The following COLQ variants were observed in gnomAD, a reference collection of about 807,000 sequenced individuals.
COLQ encodes collagen like tail subunit of asymmetric acetylcholinesterase.
A neutral mutation model predicts 69.0 loss-of-function variants in COLQ; 48 were observed. That is an observed-to-expected ratio of 0.70 (90% confidence interval 0.55 to 0.88). COLQ has a LOEUF of 0.88. Among genes scored for constraint, COLQ ranks in the 40% least tolerant of loss-of-function variants. The pLI is 0.00. For synonymous variants in COLQ, 217 were observed against 211.2 expected (o/e 1.03, Z -0.24); for missense variants, 618 against 594.6 (o/e 1.04, Z -0.41).
At chr3:15,521,257 T>C (rs556852225) in intron 1 of COLQ, among the ~76,000 whole-genome samples, 1 of 152,182 alleles carries the variant, frequency 6.6e-6, no homozygotes, top group East Asian at 1.9e-4. Context: ...ATGCAGCAAA[T>C]GGGGAGAATA....
intron 1 of COLQ, among the ~76,000 whole-genome samples, chr3:15,510,593 A>G (rs2062971871): frequency 6.6e-6 from 1 of 151,756 alleles, no homozygotes; most frequent in Admixed American, 6.6e-5. Context: ...CTGTAATCCC[A>G]GCTACTGGAA....
intron 13 of COLQ, among the ~76,000 whole-genome samples, chr3:15,457,626 T>C (rs1022376895): frequency 3.9e-5 from 6 of 152,076 alleles, no homozygotes; most frequent in Admixed American, 3.3e-4. Context: ...AGTATAACTT[T>C]TTTTGAGACG....
chr3:15,460,063 T>C (rs982318186), intron 12 of COLQ, among the ~76,000 whole-genome samples: 7 of 152,198 alleles, frequency 4.6e-5, no homozygotes, highest in Non-Finnish European at 7.3e-5. Flanking sequence ...TCAGACTCTG[T>C]CATGTATACC....
intron 1 of COLQ, among the ~76,000 whole-genome samples, chr3:15,511,907 G>A (rs1312225787): frequency 2.0e-5 from 3 of 152,134 alleles, no homozygotes; most frequent in African/African-American, 4.8e-5. Context: ...CCCCTCATAC[G>A]GGGGACAAGT....
intron 3 of COLQ, among the ~76,000 whole-genome samples, chr3:15,482,185 C>A (rs2062498321): frequency 1.3e-5 from 2 of 152,148 alleles, no homozygotes; most frequent in Non-Finnish European, 2.9e-5. Context: ...TTCCTCTTTT[C>A]CTAATTGAAT....
intron 1 of COLQ, among the ~76,000 whole-genome samples, chr3:15,513,680 G>T (rs1425588981): frequency 6.6e-6 from 1 of 152,092 alleles, no homozygotes; most frequent in Non-Finnish European, 1.5e-5. Flanking sequence ...CTTGTCTCAG[G>T]CTCCGCTTCT....
chr3:15,451,751 T>C (rs1362170032), intron 16 of COLQ, 38 bp from the exon 17 acceptor site: 2 of 1,566,494 alleles, frequency 1.3e-6, no homozygotes, highest in Non-Finnish European at 1.8e-6. Context: ...AGGCCACCTC[T>C]TATATGCTGG....
chr3:15,456,158 T>C, intron 14 of COLQ, 139 bp from the exon 15 acceptor site: 2 of 1,077,270 alleles, frequency 1.9e-6, no homozygotes, highest in South Asian at 2.7e-5. Context: ...AAGGTACTCC[T>C]TTCCTGTTGC....
chr3:15,463,613 TG>T (rs1450420630), intron 12 of COLQ, among the ~76,000 whole-genome samples: 1 of 152,064 alleles, frequency 6.6e-6, no homozygotes, highest in Non-Finnish European at 1.5e-5. Flanking sequence ...TCCAAAGTGC[TG>T]GGATTACAGG....
chr3:15,520,666 A>G (rs1283343317), intron 1 of COLQ, among the ~76,000 whole-genome samples: 1 of 152,218 alleles, frequency 6.6e-6, no homozygotes, highest in Non-Finnish European at 1.5e-5. Flanking sequence ...CTCCGGAAAC[A>G]TTTGAGTTTC....
intron 3 of COLQ, among the ~76,000 whole-genome samples, chr3:15,479,810 G>A (rs530503783): frequency 6.6e-6 from 1 of 152,326 alleles, no homozygotes; most frequent in African/African-American, 2.4e-5. Flanking sequence ...GACAAGTTAA[G>A]TTTTGCACAT....
chr3:15,460,690 A>G (rs1042555953), intron 12 of COLQ, among the ~76,000 whole-genome samples: 1 of 152,240 alleles, frequency 6.6e-6, no homozygotes. Flanking sequence ...CCAATATCTT[A>G]TCCTAAGTTA....
At position 15,498,640 on chromosome 3, in the gene COLQ, C is replaced by G. The variant is rs1375027009; in HGVS notation, c.107-9003G>C. On this transcript the variant is annotated intron_variant, in intron 1 of 16. Coordinates refer to ENST00000383788, the MANE Select transcript of COLQ (RefSeq NM_005677.4). ...CCAGGGAACACTAGCCGGAGACAGG[C>G]TGAGATTCGTCACGCCTCTGAGTGC... is the stretch of plus-strand genomic sequence containing the variant. 3 of 1,551,340 alleles carry G rather than the reference C, an allele frequency of 1.9e-6. No homozygotes were observed. The East Asian group carries it at 7.3e-5, about 38-fold the overall frequency.
At position 15,518,211 on chromosome 3, in the gene COLQ, G is replaced by T. The variant is rs149205302; in HGVS notation, c.106+3309C>A. 9.3e-3 allele frequency among the ~76,000 whole-genome samples: 1,414 copies of T among 152,284 alleles called. 15 individuals carry two copies. The highest frequency in any genetic ancestry group is 0.015 in the Non-Finnish European group (1,003 of 68,020). The stretch of plus-strand genomic sequence containing the variant: ...TCCACCCACCTCAGCCTCCCAAAGT[G>T]CTGGGATTACAGGCGTGAGCCACCG... On this transcript the variant is annotated intron_variant, in intron 1 of 16. Coordinates refer to ENST00000383788, the MANE Select transcript of COLQ (RefSeq NM_005677.4).
chr3:15,455,857 G>A, intron 15 of COLQ, 42 bp downstream of exon 15: 1 of 1,613,102 alleles, frequency 6.2e-7, no homozygotes, highest in South Asian at 1.1e-5. Context: ...CCACCCCCCT[G>A]CTGTTCAGGC....
intron 3 of COLQ, among the ~76,000 whole-genome samples, chr3:15,487,681 C>T (rs2062596364): frequency 6.6e-6 from 1 of 152,170 alleles, no homozygotes; most frequent in African/African-American, 2.4e-5. Flanking sequence ...CTGGAGGGTA[C>T]TCTTGTTTGT....
At chr3:15,465,634 G>A (rs1488364406) in intron 12 of COLQ, among the ~76,000 whole-genome samples, 6 of 56,434 alleles carry the variant, frequency 1.1e-4, no homozygotes, top group African/African-American at 6.6e-4. Context: ...TTTTTTTTTG[G>A]AGACAGAGTT....
chr3:15,478,706 C>T (rs1347144370), intron 5 of COLQ: 6 of 574,884 alleles, frequency 1.0e-5, no homozygotes, highest in South Asian at 2.0e-5. Context: ...GGGGTTGGGG[C>T]GGGAAGTGAG....
Position 15,454,180 on chromosome 3 carries a change from G to C in COLQ, c.1196-249C>G, listed in dbSNP as rs577460688. On this transcript the variant is annotated intron_variant, in intron 15 of 16. Transcript: ENST00000383788. ...CTCACAACTTACTAGCTGAGGGGTGGGGAGACTCCAGGTTGTTATCTGCAA... is the reference window on the plus strand; with the variant it reads ...CTCACAACTTACTAGCTGAGGGGTGCGGAGACTCCAGGTTGTTATCTGCAA... Among the ~76,000 whole-genome samples the C allele has an allele frequency of 2.6e-5, 4 of 152,258 alleles. No individual in the cohort carries two copies. The East Asian group carries it at 5.8e-4, about 22-fold the overall frequency.
Sources: gnomAD v4.1 joint callset for allele counts (sites outside exome capture counted in the v4.1 genomes callset) on GRCh38, gnomAD v4.1.1 for gene constraint, MANE v1.5 for transcripts, NCBI Gene and HGNC (gene_info 2026-07-23, HGNC 2026-07-21) for gene names.